The following MAPK10 variants were observed in gnomAD, a reference collection of about 807,000 sequenced individuals.
MAPK10 encodes the protein JNK3 alpha protein kinase.
In MAPK10, 25 loss-of-function variants were observed where a neutral mutation model predicts 59.3. The ratio of observed to expected loss-of-function variants is 0.42; its 90% CI spans 0.31 to 0.59. MAPK10 has a LOEUF of 0.59. Ranked by LOEUF, MAPK10 falls within the 20% of genes least tolerant of loss-of-function variation. The pLI, the probability that MAPK10 is intolerant of heterozygous loss-of-function variation, is 0.15. For synonymous variants in MAPK10, 190 were observed against 200.5 expected (o/e 0.95, Z 0.44); for missense variants, 351 against 568.9 (o/e 0.62, Z 3.90).
At chr4:86,383,550 A>G (rs1439175057) in intron 1 of MAPK10, among the ~76,000 whole-genome samples, 1 of 152,168 alleles carries the variant, frequency 6.6e-6, no homozygotes, top group Non-Finnish European at 1.5e-5. Flanking sequence ...TATTAATTTT[A>G]TGTAGAATAT....
intron 3 of MAPK10, among the ~76,000 whole-genome samples, chr4:86,174,186 G>A (rs1276345445): frequency 3.3e-5 from 5 of 152,096 alleles, no homozygotes; most frequent in Non-Finnish European, 5.9e-5. Context: ...GTTTATTGCA[G>A]TATTATTTAC....
intron 2 of MAPK10, among the ~76,000 whole-genome samples, chr4:86,287,657 A>G (rs1438823407): frequency 6.6e-6 from 1 of 152,206 alleles, no homozygotes; most frequent in Non-Finnish European, 1.5e-5. Context: ...AATTACTCCC[A>G]ATAATCCATA....
intron 1 of MAPK10, among the ~76,000 whole-genome samples, chr4:86,450,529 T>A (rs1750576629): frequency 6.6e-6 from 1 of 152,230 alleles, no homozygotes; most frequent in Admixed American, 6.5e-5. Flanking sequence ...GATTTATTTT[T>A]AAATAATTGA....
At chr4:86,100,834 A>T (rs1007947759) in intron 8 of MAPK10, 1 of 468,380 alleles carries the variant, frequency 2.1e-6, no homozygotes, top group Non-Finnish European at 3.8e-6. Context: ...CACTATTAAC[A>T]TTTAGTGCTC....
intron 12 of MAPK10, 136 bp from the exon 13 acceptor site, chr4:86,029,410 C>G: frequency 1.6e-6 from 1 of 610,446 alleles, no homozygotes; most frequent in South Asian, 2.0e-5. Context: ...CTTTACTGCT[C>G]TATTTCTATT....
chr4:86,546,624 C>A (rs1759198022), intron 1 of MAPK10, among the ~76,000 whole-genome samples: 1 of 151,958 alleles, frequency 6.6e-6, no homozygotes, highest in Non-Finnish European at 1.5e-5. Flanking sequence ...GCAAGGGGCC[C>A]TTCTGAGTAT....
chr4:86,303,306 A>G (rs1016035498), intron 2 of MAPK10, among the ~76,000 whole-genome samples: 1 of 152,210 alleles, frequency 6.6e-6, no homozygotes, highest in Non-Finnish European at 1.5e-5. Context: ...CCCCTTATCA[A>G]CAATTGCTAA....
intron 4 of MAPK10, among the ~76,000 whole-genome samples, chr4:86,114,816 G>C (rs543320003): frequency 1.3e-5 from 2 of 152,310 alleles, no homozygotes; most frequent in South Asian, 2.1e-4. Flanking sequence ...CTCCCCTCAG[G>C]GGCTCCTTCC....
At chr4:86,590,229 A>T (rs990418734) in intron 1 of MAPK10, among the ~76,000 whole-genome samples, 2 of 152,124 alleles carry the variant, frequency 1.3e-5, no homozygotes, top group Admixed American at 6.6e-5. Context: ...GTCTGAAAAG[A>T]TACACAAGAA....
At chr4:86,510,763 G>A (rs1278645641) in intron 1 of MAPK10, among the ~76,000 whole-genome samples, 1 of 152,120 alleles carries the variant, frequency 6.6e-6, no homozygotes, top group Non-Finnish European at 1.5e-5. Context: ...AGGTCATTAT[G>A]CTAAGTGAAA....
intron 2 of MAPK10, among the ~76,000 whole-genome samples, chr4:86,318,104 A>G (rs984118227): frequency 6.6e-6 from 1 of 152,206 alleles, no homozygotes; most frequent in African/African-American, 2.4e-5. Flanking sequence ...TCTCAAATCC[A>G]GTAGGACCTC....
At chr4:86,431,594 G>C (rs1748051201) in intron 1 of MAPK10, among the ~76,000 whole-genome samples, 1 of 152,160 alleles carries the variant, frequency 6.6e-6, no homozygotes, top group South Asian at 2.1e-4. Flanking sequence ...ATTAGAAAGA[G>C]GAGCTTTACT....
At position 86,127,436 on chromosome 4, in the gene MAPK10, C is replaced by T. The variant is rs370465225; in HGVS notation, c.237-20084G>A. On this transcript the variant is annotated intron_variant, in intron 4 of 13. Transcript: ENST00000641462. ...TTTCTATGAACATGACTCAAATAGG[C>T]TTTAACTAGTTTTCATACTTTAAAA... Among the ~76,000 whole-genome samples the T allele has an allele frequency of 5.7e-4, 87 of 152,028 alleles. No individual in the cohort carries two copies. The Middle Eastern group carries it at 0.01, about 18-fold the overall frequency.
At chr4:86,590,453 A>G (rs1192976040) in intron 1 of MAPK10, among the ~76,000 whole-genome samples, 1 of 152,146 alleles carries the variant, frequency 6.6e-6, no homozygotes, top group Non-Finnish European at 1.5e-5. Flanking sequence ...CATTTTATCA[A>G]ATTCCTAAAA....
chr4:86,044,482 T>G (rs2042154261), intron 11 of MAPK10: 1 of 350,584 alleles, frequency 2.9e-6, no homozygotes, highest in Non-Finnish European at 5.1e-6. Flanking sequence ...GTCTTGTCAT[T>G]TGCCTAGTTA....
At chr4:86,305,243 T>G (rs187605430) in intron 2 of MAPK10, among the ~76,000 whole-genome samples, 1 of 152,222 alleles carries the variant, frequency 6.6e-6, no homozygotes, top group Non-Finnish European at 1.5e-5. Flanking sequence ...ACTTGTGTTA[T>G]ATCCCTGTTA....
chr4:86,245,360 G>A (rs1288971880), intron 2 of MAPK10, among the ~76,000 whole-genome samples: 1 of 146,872 alleles, frequency 6.8e-6, no homozygotes, highest in East Asian at 2.0e-4. Context: ...TGCCCAGACT[G>A]GAGTGCAATG....
chr4:86,141,398 G>T (rs965458424), intron 4 of MAPK10, among the ~76,000 whole-genome samples: 1 of 152,184 alleles, frequency 6.6e-6, no homozygotes, highest in African/African-American at 2.4e-5. Flanking sequence ...GTGTCATGAA[G>T]TCCACATCTT....
At chr4:86,115,249 G>A (rs2058124818) in intron 4 of MAPK10, among the ~76,000 whole-genome samples, 1 of 152,160 alleles carries the variant, frequency 6.6e-6, no homozygotes, top group African/African-American at 2.4e-5. Context: ...TTCCCAGGCG[G>A]GGCAGCGCAG....
Sources: gnomAD v4.1 joint callset for allele counts (sites outside exome capture counted in the v4.1 genomes callset) on GRCh38, gnomAD v4.1.1 for gene constraint, MANE v1.5 for transcripts, NCBI Gene and HGNC (gene_info 2026-07-23, HGNC 2026-07-21) for gene names.